STAB2: variants seen among roughly 807,000 people sequenced by gnomAD.
STAB2 encodes stabilin-2.
A neutral mutation model predicts 338.1 loss-of-function variants in STAB2; 288 were observed. The ratio of observed to expected loss-of-function variants is 0.85; its 90% confidence interval spans 0.77 to 0.94. The LOEUF (loss-of-function observed/expected upper bound fraction) is 0.94, where lower values mean the gene tolerates loss of function less well. Ranked by LOEUF, STAB2 falls within the 40% of genes least tolerant of loss-of-function variation. The probability of loss-of-function intolerance (pLI) is 0.00; values close to 1 mark genes in which losing one functional copy is unlikely to be tolerated. For synonymous variants in STAB2, 1,202 were observed against 1,193.3 expected, an observed-to-expected ratio of 1.01 and a Z score of -0.15; for missense variants, 3,141 against 3,210.1, an observed-to-expected ratio of 0.98 and a Z score of 0.52.
chr12:103,736,831 TG>T (rs1237607102), intron 52 of STAB2, among the ~76,000 whole-genome samples: 2 of 152,148 alleles, frequency 1.3e-5, no homozygotes, highest in Non-Finnish European at 2.9e-5. Context: ...CCATAGATGC[TG>T]GGAGTTATCT....
At chr12:103,686,112 A>T (rs1352935177) in intron 27 of STAB2, among the ~76,000 whole-genome samples, 1 of 152,210 alleles carries the variant, frequency 6.6e-6, no homozygotes, top group Non-Finnish European at 1.5e-5. Flanking sequence ...GAGAAAGTCA[A>T]TTGACAAATT....
intron 18 of STAB2, among the ~76,000 whole-genome samples, chr12:103,663,840 C>T (rs1874833869): frequency 1.3e-5 from 2 of 152,162 alleles, no homozygotes; most frequent in South Asian, 4.2e-4. Flanking sequence ...CTCTGGGATC[C>T]AATCAGGGTT....
chr12:103,629,903 T>C (rs1392733312), intron 5 of STAB2, among the ~76,000 whole-genome samples: 1 of 152,182 alleles, frequency 6.6e-6, no homozygotes, highest in Non-Finnish European at 1.5e-5. Context: ...CATAAGTGTT[T>C]TGAAGGAAGG....
At chr12:103,605,903 C>T (rs898221031) in intron 3 of STAB2, among the ~76,000 whole-genome samples, 2 of 151,956 alleles carry the variant, frequency 1.3e-5, no homozygotes, top group African/African-American at 4.8e-5. Context: ...TTGTAGGCAA[C>T]ATATAGTTAG....
intron 3 of STAB2, among the ~76,000 whole-genome samples, chr12:103,595,275 C>T (rs1956858350): frequency 6.6e-6 from 1 of 151,980 alleles, no homozygotes; most frequent in Non-Finnish European, 1.5e-5. Flanking sequence ...AATTCATTCC[C>T]CATCTTCTTA....
intron 10 of STAB2, among the ~76,000 whole-genome samples, chr12:103,649,467 G>A (rs1162932559): frequency 1.3e-5 from 2 of 151,952 alleles, no homozygotes; most frequent in African/African-American, 2.4e-5. Context: ...TCACAGCATT[G>A]GACACAACTT....
intron 5 of STAB2, among the ~76,000 whole-genome samples, chr12:103,624,668 C>T (rs1453164704): frequency 6.6e-6 from 1 of 152,172 alleles, no homozygotes; most frequent in African/African-American, 2.4e-5. Context: ...GAGCTGGGCT[C>T]AGTGGCTCAC....
chr12:103,649,117 A>G (rs577144709), intron 10 of STAB2, among the ~76,000 whole-genome samples: 1 of 152,348 alleles, frequency 6.6e-6, no homozygotes, highest in African/African-American at 2.4e-5. Flanking sequence ...CAGGACAGCT[A>G]CTGATGTGAG....
At chr12:103,721,530 T>C (rs898399897) in intron 44 of STAB2, among the ~76,000 whole-genome samples, 2 of 152,234 alleles carry the variant, frequency 1.3e-5, no homozygotes, top group Non-Finnish European at 1.5e-5. Flanking sequence ...TGTAGGTCAA[T>C]GTCAATGTCT....
intron 9 of STAB2, among the ~76,000 whole-genome samples, chr12:103,641,760 T>C (rs1215517440): frequency 6.6e-6 from 1 of 152,204 alleles, no homozygotes; most frequent in Non-Finnish European, 1.5e-5. Flanking sequence ...GTGTTTAGAA[T>C]GTCAGATAAC....
intron 25 of STAB2, among the ~76,000 whole-genome samples, chr12:103,680,941 G>T (rs900111657): frequency 6.6e-6 from 1 of 152,260 alleles, no homozygotes; most frequent in Non-Finnish European, 1.5e-5. Context: ...CAGTGGTGAG[G>T]ATAAGAGATT....
At chr12:103,698,990 A>G in intron 33 of STAB2, 106 bp from the exon 34 acceptor site, 1 of 1,382,246 alleles carries the variant, frequency 7.2e-7, no homozygotes, top group Non-Finnish European at 9.7e-7. Context: ...CCACTTGGAC[A>G]AGCTGTTGTT....
chr12:103,612,289 T>G (rs1183200532), intron 3 of STAB2, among the ~76,000 whole-genome samples: 2 of 152,262 alleles, frequency 1.3e-5, no homozygotes, highest in African/African-American at 4.8e-5. Flanking sequence ...TTTTCCAACT[T>G]AGTTCCATTC....
intron 22 of STAB2, 79 bp from the exon 23 acceptor site, chr12:103,673,828 C>T: frequency 1.4e-6 from 2 of 1,478,254 alleles, no homozygotes; most frequent in Non-Finnish European, 9.2e-7. Context: ...GAGGTGGTCC[C>T]TGTCCTCCAG....
At chr12:103,593,578 A>C (rs1956831559) in intron 2 of STAB2, among the ~76,000 whole-genome samples, 1 of 152,048 alleles carries the variant, frequency 6.6e-6, no homozygotes, top group Non-Finnish European at 1.5e-5. Flanking sequence ...AAAAAAGTCA[A>C]CTCTATCCCC....
intron 15 of STAB2, among the ~76,000 whole-genome samples, chr12:103,659,740 A>C (rs1188507269): frequency 6.6e-6 from 1 of 152,156 alleles, no homozygotes; most frequent in Non-Finnish European, 1.5e-5. Context: ...CTGCTGCTTC[A>C]GTTTTATGAA....
In STAB2 at chr12:103,748,584, C is replaced by CCA. The variant is rs34364589; in HGVS notation, c.6245-360_6245-359dup. 3.7e-3 allele frequency among the ~76,000 whole-genome samples: 519 copies of CCA among 141,700 alleles called. 9 individuals are homozygous for CCA. Among genetic ancestry groups the CCA allele is most frequent in the South Asian group, 9.8e-3 (42 of 4,292 alleles). The allele number at this position is 141,700 out of a possible 152,430, so 93.0% of individuals were successfully genotyped here. ...TGCTCAATATTGTACTAACTCTACA[C>CCA]CACACACACACACACACACATACAC... On this transcript the variant is annotated intron_variant, in intron 58 of 68. Transcript: ENST00000388887.
rs772653984 is a variant in STAB2 at position 103,761,407 on chromosome 12, C to T, written c.7356C>T (p.Pro2452=). Residue 2452 remains proline (P), a synonymous_variant, in exon 66 of 69, where the codon CCC becomes CCT. Transcript: ENST00000388887. ...GGCCTTTAAAAGCACCCCCTGCCCC[C>T]GTGGTGAGTATCTAGGGTCCCTGAT... The part of the protein sequence containing the change: ...ISRPLKAPPA[P]VTLTHTGLGA... The T allele has an allele frequency of 1.4e-5, 23 of 1,613,292 alleles. No individual in the cohort carries two copies. The East Asian group carries it at 2.2e-4, about 16-fold the overall frequency.
chr12:103,735,664 A>T (rs1882058967), intron 52 of STAB2, 84 bp downstream of exon 52: 1 of 1,151,364 alleles, frequency 8.7e-7, no homozygotes, highest in Non-Finnish European at 1.2e-6. Flanking sequence ...CTTCAAGGAG[A>T]TGTTCATTTT....
Sources: allele counts gnomAD v4.1 joint callset (sites outside exome capture counted in the v4.1 genomes callset), GRCh38; gene constraint gnomAD v4.1.1; transcripts MANE v1.5; gene names NCBI Gene and HGNC (gene_info 2026-07-23, HGNC 2026-07-21).